The following MLXIP variants were observed in gnomAD, a reference collection of about 807,000 sequenced individuals.
MLXIP encodes MLX interacting protein.
Under a neutral mutation model 87.2 loss-of-function variants are expected in MLXIP, and 30 were observed. That is an observed-to-expected ratio of 0.34 (90% CI 0.26 to 0.47). The LOEUF (loss-of-function observed/expected upper bound fraction) is 0.47, where lower values mean the gene tolerates loss of function less well. MLXIP is among the 20% of genes least tolerant of loss of function. The pLI is 1.00. For missense variants in MLXIP, 1,002 were observed against 1,240.1 expected (o/e 0.81, Z 2.88); for synonymous variants, 530 against 514.0 (o/e 1.03, Z -0.42).
chr12:122,087,760 G>GT (rs1466955109), intron 1 of MLXIP, among the ~76,000 whole-genome samples: 1 of 152,180 alleles, frequency 6.6e-6, no homozygotes, highest in African/African-American at 2.4e-5. Context: ...TCTAGGGAGG[G>GT]TGAGAGCAGG....
At chr12:122,140,004 C>T (rs1026672669) in intron 15 of MLXIP, among the ~76,000 whole-genome samples, 2 of 152,116 alleles carry the variant, frequency 1.3e-5, no homozygotes, top group East Asian at 1.9e-4. Context: ...GAAGAGATGA[C>T]AGGCACCAGC....
chr12:122,097,672 C>T (rs925610880), intron 1 of MLXIP, among the ~76,000 whole-genome samples: 21 of 151,594 alleles, frequency 1.4e-4, no homozygotes, highest in South Asian at 8.3e-4. Context: ...GTGTGAAGGC[C>T]GGTGTCCCCA....
At position 122,078,899 on chromosome 12, in the gene MLXIP, C is replaced by T; in HGVS notation, c.46C>T (p.Arg16Trp). The change falls in exon 1 of 17, where the codon CGG becomes TGG. Residue 16 changes from arginine to tryptophan, a missense_variant. By Grantham distance (101) the Arg-to-Trp change is moderately radical (BLOSUM62 -3). Around this residue, in one of 3 missense-constraint regions of MLXIP, gnomAD observed 129 missense variants for 104.2 expected, o/e 1.24. Transcript: ENST00000319080. ...GTGCTCCCCGCGCCGGCCTCGCAGCCGGGGCCGCCAGGTGCTGCTCAAGCC... is the reference window on the plus strand; with the variant it reads ...GTGCTCCCCGCGCCGGCCTCGCAGCTGGGGCCGCCAGGTGCTGCTCAAGCC... ...FMCSPRRPRS[R>W]GRQVLLKPQV... is the part of the protein sequence containing the mutation. 1 of 1,145,712 alleles carries T rather than the reference C, an allele frequency of 8.7e-7. No homozygotes were observed. Among genetic ancestry groups the T allele is most frequent in the Admixed American group, 4.6e-5 (1 of 21,886 alleles). The allele number at this position is 1,145,712 out of a possible 1,614,324, so 71.0% of individuals were successfully genotyped here.
chr12:122,079,280 C>T lies in MLXIP; in HGVS notation c.413+14C>T. ...TTTGGCCTACAGGTAGGGACCCCCG[C>T]GACCCCCTGAGGCCCCGGCCGGAGG... is the stretch of plus-strand genomic sequence containing the variant. On this transcript the variant is annotated intron_variant, in intron 1 of 16. Transcript: ENST00000319080. The T allele has an allele frequency of 6.5e-7, 1 of 1,546,832 alleles. No individual in the cohort carries two copies. The highest frequency in any genetic ancestry group is 8.7e-7 in the Non-Finnish European group (1 of 1,144,616).
intron 1 of MLXIP, among the ~76,000 whole-genome samples, chr12:122,094,802 T>TGG (rs1952323282): frequency 6.9e-6 from 1 of 144,238 alleles, no homozygotes; most frequent in African/African-American, 2.6e-5. Flanking sequence ...GTTATGTGTG[T>TGG]GGTGTGTTGG....
In MLXIP at chr12:122,135,580, T is replaced by C. The variant is rs1161229118; in HGVS notation, c.1946T>C (p.Phe649Ser). 6.3e-7 allele frequency: 1 copy of C among 1,596,736 alleles called. No homozygotes were observed. Among genetic ancestry groups the C allele is most frequent in the South Asian group, 1.1e-5 (1 of 88,052 alleles). ...CCGCCTGCCCCCGTCTCCCGGCTCT[T>C]CCCAAGCACAGCGCAAGACCCCCTG... ...SSPPAPVSRLFPSTAQDPLGK... is the reference protein window; with the variant it reads ...SSPPAPVSRLSPSTAQDPLGK... The change falls in exon 11 of 17, where the codon TTC becomes TCC. Residue 649 changes from phenylalanine (F) to serine (S), a missense_variant. Transcript: ENST00000319080. The surrounding 1 kb of genome is among the most constrained non-coding windows in gnomAD (Gnocchi z 5.3).
chr12:122,138,717 G>C, intron 14 of MLXIP, 98 bp from the exon 15 acceptor site: 1 of 1,524,496 alleles, frequency 6.6e-7, no homozygotes, highest in Non-Finnish European at 8.8e-7. Flanking sequence ...TCTGTGCCTG[G>C]CTGTGGCCCG....
intron 1 of MLXIP, among the ~76,000 whole-genome samples, chr12:122,101,497 C>A (rs968145387): frequency 4.0e-5 from 6 of 150,596 alleles, no homozygotes; most frequent in Non-Finnish European, 7.4e-5. Context: ...GAAATCTTTG[C>A]CAATCCAAGG....
At chr12:122,117,500 G>T (rs1952710603) in intron 1 of MLXIP, among the ~76,000 whole-genome samples, 2 of 152,220 alleles carry the variant, frequency 1.3e-5, no homozygotes, top group African/African-American at 4.8e-5. Context: ...TTGGACTCCT[G>T]GAAGAGTCAT....
At chr12:122,091,937 A>G (rs1952250809) in intron 1 of MLXIP, among the ~76,000 whole-genome samples, 1 of 152,164 alleles carries the variant, frequency 6.6e-6, no homozygotes, top group Non-Finnish European at 1.5e-5. Flanking sequence ...GCTATTAGGT[A>G]TTCTGGGGTT....
At chr12:122,127,500 G>A in intron 2 of MLXIP, 138 bp downstream of exon 2, 4 of 653,472 alleles carry the variant, frequency 6.1e-6, no homozygotes, top group Non-Finnish European at 1.0e-5. Context: ...GGAAACCCAA[G>A]CCATCAGGCC....
intron 1 of MLXIP, among the ~76,000 whole-genome samples, chr12:122,094,979 T>G (rs1379682183): frequency 6.4e-5 from 9 of 140,314 alleles, no homozygotes; most frequent in Non-Finnish European, 1.1e-4. Context: ...TTGTGGGGTG[T>G]GGGGGTATGT....
chr12:122,124,794 G>T (rs981605041), intron 1 of MLXIP, among the ~76,000 whole-genome samples: 1 of 152,096 alleles, frequency 6.6e-6, no homozygotes, highest in Non-Finnish European at 1.5e-5. Context: ...ACTTTTGGAG[G>T]CCGAGGTGGG....
chr12:122,109,605 G>T (rs771301140), intron 1 of MLXIP, among the ~76,000 whole-genome samples: 6 of 152,244 alleles, frequency 3.9e-5, no homozygotes, highest in Non-Finnish European at 8.8e-5. Context: ...TGGGTTGGCT[G>T]AGGAGATTTG....
intron 1 of MLXIP, among the ~76,000 whole-genome samples, chr12:122,114,913 A>AT (rs1368578215): frequency 6.6e-6 from 1 of 151,412 alleles, no homozygotes; most frequent in Admixed American, 6.6e-5. Flanking sequence ...TGCCCGGTTA[A>AT]TTTTTTTATT....
At chr12:122,127,496 C>T (rs1315410227) in intron 2 of MLXIP, 134 bp downstream of exon 2, 1 of 671,966 alleles carries the variant, frequency 1.5e-6, no homozygotes, top group East Asian at 2.7e-5. Flanking sequence ...GACAGGAAAC[C>T]CAAGCCATCA....
chr12:122,095,254 A>C (rs1952334845), intron 1 of MLXIP, among the ~76,000 whole-genome samples: 1 of 121,096 alleles, frequency 8.3e-6, no homozygotes, highest in African/African-American at 3.2e-5. Context: ...ATGTGTGTGC[A>C]GTGTCTGTGT....
At chr12:122,093,466 T>G (rs1952281465) in intron 1 of MLXIP, among the ~76,000 whole-genome samples, 1 of 135,658 alleles carries the variant, frequency 7.4e-6, no homozygotes, top group Non-Finnish European at 1.6e-5. Context: ...TGTGTATGTT[T>G]GCGGTGTGTT....
In MLXIP at chr12:122,133,830, G is replaced by C; in HGVS notation, c.1575G>C (p.Leu525=). The change falls in exon 9 of 17, where the codon CTG becomes CTC. Residue 525 remains leucine, a synonymous_variant. Transcript: ENST00000319080. The surrounding 1 kb of genome is among the most constrained non-coding windows in gnomAD (Gnocchi z 4.9). ...APSAAPCGLA[L]SPVTRPPQPR... ...CAGCGGCCCCTTGTGGGCTGGCACT[G>C]TCTCCTGTCACCCGGCCTCCCCAGC... is the stretch of plus-strand genomic sequence containing the variant. The C allele has an allele frequency of 6.2e-7, 1 of 1,613,018 alleles. No individual in the cohort carries two copies. Among genetic ancestry groups the C allele is most frequent in the South Asian group, 1.1e-5 (1 of 90,912 alleles).
Sources: allele counts gnomAD v4.1 joint callset (sites outside exome capture counted in the v4.1 genomes callset), GRCh38; gene constraint gnomAD v4.1.1; regional missense constraint gnomAD v4.1.1; non-coding constraint Gnocchi (gnomAD v3.1); transcripts MANE v1.5; gene names NCBI Gene and HGNC (gene_info 2026-07-23, HGNC 2026-07-21).